The following SH3D19 variants were observed in gnomAD, a reference collection of about 807,000 sequenced individuals.
SH3D19 encodes the protein SH3 domain containing 19.
SH3D19 carries 58 observed loss-of-function variants against 112.1 expected under a neutral mutation model. That is an observed-to-expected ratio of 0.52 (90% CI 0.42 to 0.64). The LOEUF is 0.64. SH3D19 is among the 30% of genes least tolerant of loss of function. The pLI is 0.00. For missense variants in SH3D19, 1,090 were observed against 1,263.4 expected (o/e 0.86, Z 2.08); for synonymous variants, 391 against 448.5 (o/e 0.87, Z 1.62).
At chr4:151,183,874 T>C (rs758452269) in intron 3 of SH3D19, among the ~76,000 whole-genome samples, 5 of 152,214 alleles carry the variant, frequency 3.3e-5, no homozygotes, top group Non-Finnish European at 5.9e-5. Context: ...ACAAGGTTCA[T>C]ATCTTGGCTC....
chr4:151,194,016 ATTTTTTTTTTTTTTTTTT>A (rs201719037), intron 2 of SH3D19, among the ~76,000 whole-genome samples: 3 of 111,896 alleles, frequency 2.7e-5, no homozygotes, highest in Non-Finnish European at 3.4e-5. Flanking sequence ...AGTAGGATTA[ATTTTTTTTTTTTTTTTTT>A]TTTTTTTTTT....
chr4:151,188,636 T>C (rs1466584312), intron 2 of SH3D19, among the ~76,000 whole-genome samples: 1 of 152,200 alleles, frequency 6.6e-6, no homozygotes, highest in East Asian at 1.9e-4. Flanking sequence ...GCCCTCTTAG[T>C]GAATACATCA....
chr4:151,150,210 T>TAA (rs1754717589), intron 9 of SH3D19, among the ~76,000 whole-genome samples: 1 of 28,830 alleles, frequency 3.5e-5, no homozygotes, highest in Non-Finnish European at 8.7e-5. Context: ...AAAAAAAATA[T>TAA]ATATATATAT....
intron 7 of SH3D19, among the ~76,000 whole-genome samples, chr4:151,172,793 G>A (rs1433214021): frequency 4.6e-5 from 7 of 152,202 alleles, no homozygotes; most frequent in Non-Finnish European, 1.0e-4. Flanking sequence ...ACTCAAGGAT[G>A]ATCTCTGGGT....
intron 1 of SH3D19, among the ~76,000 whole-genome samples, chr4:151,306,423 C>A (rs558966328): frequency 7.5e-4 from 114 of 152,138 alleles, no homozygotes; most frequent in African/African-American, 1.3e-3. Flanking sequence ...TACAGGAGTT[C>A]CTGACACATA....
chr4:151,298,483 C>A (rs55905531), intron 1 of SH3D19, among the ~76,000 whole-genome samples: 4 of 151,942 alleles, frequency 2.6e-5, no homozygotes, highest in Non-Finnish European at 4.4e-5. Context: ...GCCAAATTCA[C>A]GTTGTTTTAA....
intron 13 of SH3D19, among the ~76,000 whole-genome samples, chr4:151,138,374 T>C (rs1376335558): frequency 6.6e-6 from 1 of 152,128 alleles, no homozygotes; most frequent in Non-Finnish European, 1.5e-5. Context: ...GCCTTGGATA[T>C]GAAGGGCATT....
chr4:151,190,080 T>C (rs1240408124), intron 2 of SH3D19, among the ~76,000 whole-genome samples: 1 of 152,208 alleles, frequency 6.6e-6, no homozygotes, highest in Non-Finnish European at 1.5e-5. Context: ...TGTTATGTTT[T>C]AGCAAAGAGA....
chr4:151,178,574 G>C (rs1196689017), intron 4 of SH3D19, among the ~76,000 whole-genome samples: 3 of 152,180 alleles, frequency 2.0e-5, no homozygotes, highest in Non-Finnish European at 4.4e-5. Flanking sequence ...TTGTGATGTA[G>C]GTATGATTAG....
At chr4:151,228,723 A>G (rs1769340706) in intron 1 of SH3D19, among the ~76,000 whole-genome samples, 1 of 152,234 alleles carries the variant, frequency 6.6e-6, no homozygotes, top group South Asian at 2.1e-4. Context: ...AAACATTTGG[A>G]TGAAAGCCCA....
At chr4:151,287,637 G>A (rs995924834) in intron 1 of SH3D19, among the ~76,000 whole-genome samples, 1 of 152,190 alleles carries the variant, frequency 6.6e-6, no homozygotes, top group Non-Finnish European at 1.5e-5. Flanking sequence ...CTCAAGCCTT[G>A]TAATCCCAGC....
intron 1 of SH3D19, among the ~76,000 whole-genome samples, chr4:151,247,606 A>G (rs1055719918): frequency 1.3e-5 from 2 of 152,210 alleles, no homozygotes; most frequent in African/African-American, 4.8e-5. Context: ...CAATGAGATC[A>G]TTTTAGAACA....
chr4:151,161,117 T>C (rs560176097), intron 8 of SH3D19, among the ~76,000 whole-genome samples: 1 of 152,006 alleles, frequency 6.6e-6, no homozygotes, highest in Admixed American at 6.6e-5. Flanking sequence ...GATGTGGAGG[T>C]AGGAGATTTC....
intron 8 of SH3D19, among the ~76,000 whole-genome samples, chr4:151,159,586 A>T (rs952428971): frequency 5.3e-5 from 8 of 152,216 alleles, no homozygotes; most frequent in Non-Finnish European, 1.2e-4. Flanking sequence ...ACAATTCAAC[A>T]GCAGCCAGCA....
At chr4:151,237,488 T>G (rs1770207837) in intron 1 of SH3D19, among the ~76,000 whole-genome samples, 1 of 151,988 alleles carries the variant, frequency 6.6e-6, no homozygotes, top group Non-Finnish European at 1.5e-5. Context: ...AGTATGACAA[T>G]CTAGGTAGAT....
At chr4:151,166,494 CTTTT>C (rs545395405) in intron 7 of SH3D19, among the ~76,000 whole-genome samples, 1 of 142,146 alleles carries the variant, frequency 7.0e-6, no homozygotes, top group African/African-American at 2.6e-5. Flanking sequence ...AATGACTATA[CTTTT>C]TTTTTTTTAA....
chr4:151,142,125 T>C (rs1753114291), intron 12 of SH3D19, among the ~76,000 whole-genome samples: 1 of 152,192 alleles, frequency 6.6e-6, no homozygotes, highest in East Asian at 1.9e-4. Context: ...ATGCAAATGG[T>C]TTTGTAATAT....
intron 19 of SH3D19, 103 bp from the exon 20 acceptor site, chr4:151,122,310 A>T: frequency 1.6e-6 from 1 of 642,368 alleles, no homozygotes. Flanking sequence ...TGTATAACTC[A>T]TTTATCTTGA....
Position 151,283,354 on chromosome 4 carries a change from C to T in SH3D19, c.112+41887G>A, listed in dbSNP as rs1774431996. On this transcript the variant is annotated intron_variant, in intron 1 of 19. Transcript: ENST00000604030. ...TTAATTTGGATCCAGGTTTTCCTAT[C>T]TGTAAATAACAGTGGATTGGGAGTC... 4.1e-6 allele frequency: 6 copies of T among 1,448,356 alleles called. No homozygotes were observed. In the East Asian group the frequency reaches 1.4e-4, roughly 33 times the overall value. 89.7% of individuals were successfully genotyped at this position (1,448,356 alleles called of 1,614,324 possible).
Sources: allele counts gnomAD v4.1 joint callset (sites outside exome capture counted in the v4.1 genomes callset), GRCh38; gene constraint gnomAD v4.1.1; transcripts MANE v1.5; gene names NCBI Gene and HGNC (gene_info 2026-07-23, HGNC 2026-07-21).